EYS: variants seen among roughly 807,000 people sequenced by gnomAD.
The protein encoded by EYS is EGF-like photoreceptor maintenance factor.
In EYS, 250 loss-of-function variants were observed where a neutral mutation model predicts 282.1. That is an observed-to-expected ratio of 0.89 (90% CI 0.80 to 0.98). The LOEUF (loss-of-function observed/expected upper bound fraction) is 0.98. Among genes scored for constraint, EYS ranks in the 50% least tolerant of loss-of-function variants. The pLI is 0.00. For missense variants in EYS, 4,016 were observed against 3,709.0 expected (o/e 1.08, Z -2.15); for synonymous variants, 1,355 against 1,282.9 (o/e 1.06, Z -1.20).
intron 28 of EYS, among the ~76,000 whole-genome samples, chr6:64,414,880 A>C (rs116918975): frequency 6.6e-6 from 1 of 152,194 alleles, no homozygotes; most frequent in Admixed American, 6.6e-5. Context: ...ATACATAAAA[A>C]TAGTAAAACA....
intron 12 of EYS, among the ~76,000 whole-genome samples, chr6:65,273,868 T>C (rs1030833169): frequency 6.6e-6 from 1 of 152,166 alleles, no homozygotes; most frequent in African/African-American, 2.4e-5. Flanking sequence ...AAATAAACAA[T>C]CCTCCTGTTC....
intron 12 of EYS, among the ~76,000 whole-genome samples, chr6:65,234,796 G>A (rs1236576959): frequency 6.6e-6 from 1 of 152,154 alleles, no homozygotes; most frequent in Non-Finnish European, 1.5e-5. Context: ...ATATGTTGAT[G>A]CCAAAGAGAA....
At chr6:65,298,779 A>G (rs1435959415) in intron 11 of EYS, among the ~76,000 whole-genome samples, 5 of 151,714 alleles carry the variant, frequency 3.3e-5, no homozygotes, top group East Asian at 1.9e-4. Flanking sequence ...TTAGTAATAT[A>G]TAATGCTCTG....
At chr6:64,174,971 G>T (rs748701414) in intron 31 of EYS, among the ~76,000 whole-genome samples, 1 of 152,008 alleles carries the variant, frequency 6.6e-6, no homozygotes, top group Non-Finnish European at 1.5e-5. Context: ...TTGCAAGGTT[G>T]TTAGAAATAC....
intron 31 of EYS, among the ~76,000 whole-genome samples, chr6:64,095,945 G>A (rs1772593563): frequency 6.6e-6 from 1 of 152,136 alleles, no homozygotes; most frequent in Non-Finnish European, 1.5e-5. Context: ...TTTAGAGCAG[G>A]CCTGGTGGTG....
chr6:65,469,967 A>G (rs1480810896), intron 5 of EYS, among the ~76,000 whole-genome samples: 2 of 152,314 alleles, frequency 1.3e-5, no homozygotes, highest in Admixed American at 6.5e-5. Context: ...TTTAAATTTT[A>G]TGTATGGCTT....
intron 13 of EYS, among the ~76,000 whole-genome samples, chr6:65,039,214 A>G (rs1772858539): frequency 6.6e-6 from 1 of 151,340 alleles, no homozygotes; most frequent in African/African-American, 2.4e-5. Context: ...AGTCAATGTC[A>G]TTTTTTCCGT....
chr6:65,319,724 G>T (rs564372426), intron 11 of EYS, among the ~76,000 whole-genome samples: 1 of 152,252 alleles, frequency 6.6e-6, no homozygotes, highest in South Asian at 2.1e-4. Context: ...GAGGAATGAC[G>T]CCGCTTTGCT....
rs1394476782 is a variant in EYS at position 64,678,313 on chromosome 6, C to T, written c.3444-52068G>A. Among the ~76,000 whole-genome samples the T allele has an allele frequency of 2.0e-5, 3 of 152,224 alleles. No homozygotes were observed. The East Asian group carries it at 5.8e-4, about 29-fold the overall frequency. ...TGAGAATACGCCAGGTGCGGTGGCT[C>T]ACACCTGTAATCCCAGCACTGTGGG... On this transcript the variant is annotated intron_variant, in intron 22 of 42. Transcript: ENST00000503581.
chr6:65,695,776 CTA>C (rs1769429800), intron 1 of EYS, among the ~76,000 whole-genome samples: 1 of 151,638 alleles, frequency 6.6e-6, no homozygotes, highest in African/African-American at 2.4e-5. Flanking sequence ...TTATAGAAAA[CTA>C]TCTTTATAGT....
In EYS at chr6:65,331,178, A is replaced by G. The variant is rs1582148724; in HGVS notation, c.1766+3802T>C. 3 of 853,680 alleles carry G rather than the reference A, an allele frequency of 3.5e-6. No individual in the cohort carries two copies. In the African/African-American group the frequency reaches 5.5e-5, roughly 16 times the overall value. 52.9% of individuals were successfully genotyped at this position (853,680 alleles called of 1,614,324 possible). A position where few individuals can be genotyped will look rare whatever the true frequency, so the allele number is the denominator to read the frequency against. On this transcript the variant is annotated intron_variant, in intron 11 of 42. Transcript: ENST00000503581. The stretch of plus-strand genomic sequence containing the variant: ...ATATATAACATGATAATTAGTTTCT[A>G]AAATAACTTGCAATATTTTTACTAT...
chr6:64,778,699 A>C (rs7451329), intron 22 of EYS, among the ~76,000 whole-genome samples: 73,292 of 151,938 alleles, frequency 0.48, 19,539 homozygotes, highest in Admixed American at 0.63. Context: ...ACCACCACCA[A>C]CAACAACAAA....
chr6:64,077,164 C>A (rs1421895569), intron 32 of EYS, among the ~76,000 whole-genome samples: 1 of 151,752 alleles, frequency 6.6e-6, no homozygotes, highest in Non-Finnish European at 1.5e-5. Flanking sequence ...CTATTGGGAC[C>A]CATTAAGGAG....
intron 26 of EYS, among the ~76,000 whole-genome samples, chr6:64,544,514 G>A (rs2149801061): frequency 6.6e-6 from 1 of 152,234 alleles, no homozygotes; most frequent in African/African-American, 2.4e-5. Context: ...AACAGAAGCT[G>A]GAGATGGAGA....
intron 15 of EYS, among the ~76,000 whole-genome samples, chr6:64,913,578 G>T (rs1768068232): frequency 6.6e-6 from 1 of 152,110 alleles, no homozygotes; most frequent in Non-Finnish European, 1.5e-5. Context: ...TTGCTGCAAA[G>T]GACATGATTT....
At chr6:64,030,220 T>G (rs1227006218) in intron 33 of EYS, among the ~76,000 whole-genome samples, 2 of 148,316 alleles carry the variant, frequency 1.3e-5, no homozygotes, top group Non-Finnish European at 3.0e-5. Flanking sequence ...AAAAAGAGAG[T>G]TAAAAAGAGA....
chr6:63,893,535 A>G (rs1488278935), intron 35 of EYS, among the ~76,000 whole-genome samples: 1 of 152,084 alleles, frequency 6.6e-6, no homozygotes, highest in African/African-American at 2.4e-5. Context: ...ATGAGGACAT[A>G]TGAGCACAGG....
intron 12 of EYS, among the ~76,000 whole-genome samples, chr6:65,102,639 A>T (rs1336433054): frequency 6.6e-6 from 1 of 151,260 alleles, no homozygotes; most frequent in Non-Finnish European, 1.5e-5. Flanking sequence ...GGAAAGTTTA[A>T]CAGGAATGAA....
intron 2 of EYS, among the ~76,000 whole-genome samples, chr6:65,508,897 T>C (rs1376251680): frequency 6.6e-6 from 1 of 152,078 alleles, no homozygotes; most frequent in Non-Finnish European, 1.5e-5. Flanking sequence ...CACAGAATCA[T>C]TCTCAGATCT....
Sources: allele counts gnomAD v4.1 joint callset (sites outside exome capture counted in the v4.1 genomes callset), GRCh38; gene constraint gnomAD v4.1.1; transcripts MANE v1.5; gene names NCBI Gene and HGNC (gene_info 2026-07-23, HGNC 2026-07-21).